The following MYO3A variants were observed in gnomAD, a reference collection of about 807,000 sequenced individuals.
MYO3A encodes myosin-IIIa.
Under a neutral mutation model 192.7 loss-of-function variants are expected in MYO3A, and 180 were observed. The ratio of observed to expected loss-of-function variants is 0.93; its 90% CI spans 0.83 to 1.06. The LOEUF (loss-of-function observed/expected upper bound fraction) is 1.06, where lower values mean the gene tolerates loss of function less well. MYO3A is among the 50% of genes least tolerant of loss of function. MYO3A has a pLI of 0.00. For synonymous variants in MYO3A, 628 were observed against 645.3 expected (o/e 0.97, Z 0.41); for missense variants, 1,896 against 1,905.0 (o/e 1.00, Z 0.09).
intron 32 of MYO3A, among the ~76,000 whole-genome samples, chr10:26,196,619 T>C (rs1589115479): frequency 6.6e-6 from 1 of 152,204 alleles, no homozygotes; most frequent in Admixed American, 6.5e-5. Flanking sequence ...TTACACATAG[T>C]GAAAAGTGTG....
chr10:26,036,512 A>G lies in MYO3A; in HGVS notation c.953+9980A>G, dbSNP rs145533960. 7.6e-3 allele frequency among the ~76,000 whole-genome samples: 1,164 copies of G among 152,316 alleles called. 9 individuals are homozygous for G. Among genetic ancestry groups the G allele is most frequent in the Non-Finnish European group, 0.01 (712 of 68,028 alleles). ...GGCCAACAAAACTGCATTCAGTGAA[A>G]AAAAGGCCTGGACCATTTTCTCTAG... On this transcript the variant is annotated intron_variant, in intron 10 of 34. Coordinates refer to ENST00000642920, the MANE Select transcript of MYO3A (RefSeq NM_017433.5).
chr10:26,086,490 G>A (rs975974460), intron 14 of MYO3A, among the ~76,000 whole-genome samples: 7 of 152,154 alleles, frequency 4.6e-5, no homozygotes, highest in African/African-American at 1.7e-4. Flanking sequence ...TGAGTAGGAA[G>A]AATTCCATGT....
intron 6 of MYO3A, among the ~76,000 whole-genome samples, chr10:26,005,702 T>C (rs11014901): frequency 0.31 from 47,614 of 151,932 alleles, 7,978 homozygotes; most frequent in Middle Eastern, 0.45. Context: ...TATATATGTA[T>C]ATATGTAATA....
intron 2 of MYO3A, among the ~76,000 whole-genome samples, chr10:25,950,687 G>C (rs1406723251): frequency 4.6e-5 from 7 of 152,074 alleles, no homozygotes; most frequent in Non-Finnish European, 8.8e-5. Flanking sequence ...AATAATACAA[G>C]GCTTAGAGTC....
Position 26,176,799 on chromosome 10 carries a change from C to A in MYO3A, c.4392C>A (p.His1464Gln). Residue 1464 changes from histidine (H) to glutamine (Q), a missense_variant, in exon 31 of 35, where the codon CAC becomes CAA. Physicochemically the swap from His to Gln is conservative, Grantham distance 24. Coordinates refer to ENST00000642920, the MANE Select transcript of MYO3A (RefSeq NM_017433.5). ...QLKSLYLGVS[H>Q]HKPINRRVSS... Reference sequence around the variant, plus strand: ...AGTCACTTTATCTGGGTGTCTCGCACCATAAGCCAATTAATAGACGAGTTT... The same window carrying A: ...AGTCACTTTATCTGGGTGTCTCGCAACATAAGCCAATTAATAGACGAGTTT... 6.2e-7 allele frequency: 1 copy of A among 1,614,120 alleles called. No individual in the cohort carries two copies. Among genetic ancestry groups the A allele is most frequent in the Non-Finnish European group, 8.5e-7 (1 of 1,180,002 alleles).
intron 4 of MYO3A, among the ~76,000 whole-genome samples, chr10:25,976,261 G>A (rs991843975): frequency 1.6e-4 from 25 of 152,134 alleles, no homozygotes; most frequent in African/African-American, 6.0e-4. Flanking sequence ...CTAAAGATTA[G>A]TGTTTCCAAA....
intron 2 of MYO3A, among the ~76,000 whole-genome samples, chr10:25,943,415 A>C (rs142141403): frequency 3.9e-5 from 6 of 152,190 alleles, no homozygotes; most frequent in African/African-American, 1.2e-4. Context: ...ATTTCTGCAA[A>C]AAACATTGGG....
At chr10:26,201,817 T>G (rs1397763522) in intron 33 of MYO3A, among the ~76,000 whole-genome samples, 1 of 152,250 alleles carries the variant, frequency 6.6e-6, no homozygotes, top group Admixed American at 6.5e-5. Flanking sequence ...GGAAATCTAT[T>G]GAGCCAGCAT....
In MYO3A at chr10:26,088,258, C is replaced by A. The variant is rs752583448; in HGVS notation, c.1415C>A (p.Ala472Asp). 4 of 1,613,362 alleles carry A rather than the reference C, an allele frequency of 2.5e-6. No individual in the cohort carries two copies. The Admixed American group carries it at 5.0e-5, about 20-fold the overall frequency. ...KILQVNNLVE[A>D]FGNACTIIND... The stretch of plus-strand genomic sequence containing the variant: ...TTACAAGTGAACAATTTGGTAGAAG[C>A]CTTTGGCAATGCCTGCACTATTATA... Residue 472 changes from alanine (A) to aspartate (D), a missense_variant, in exon 15 of 35, where the codon GCC (alanine) becomes GAC (aspartate). Ala to Asp is a moderately radical substitution (Grantham distance 126). Transcript: ENST00000642920.
intron 14 of MYO3A, among the ~76,000 whole-genome samples, chr10:26,082,632 C>T (rs1174245420): frequency 6.6e-6 from 1 of 151,994 alleles, no homozygotes; most frequent in Admixed American, 6.6e-5. Flanking sequence ...TCCTAAACAT[C>T]CCTATGATAA....
rs1286921276 is a variant in MYO3A, at chr10:26,120,786, T to TA, written c.1888dup (p.Thr630AsnfsTer16). 1 of 1,614,084 alleles carries TA rather than the reference T, an allele frequency of 6.2e-7. No individual in the cohort carries two copies. Among genetic ancestry groups the TA allele is most frequent in the Non-Finnish European group, 8.5e-7 (1 of 1,179,974 alleles). ...TTGACAAGAGCCACATTTCTAATCA[T>TA]ACAGCCCTGGAGAACTGTAAGTTTT... On this transcript the variant is annotated frameshift_variant, in exon 18 of 35. Transcript: ENST00000642920. LOFTEE classifies it high-confidence loss of function.
At chr10:26,019,153 T>C (rs891616944) in intron 7 of MYO3A, among the ~76,000 whole-genome samples, 4 of 151,994 alleles carry the variant, frequency 2.6e-5, no homozygotes, top group African/African-American at 9.7e-5. Context: ...TTGCCTAAAC[T>C]CTCCTACTCT....
chr10:25,998,180 C>T (rs910050981), intron 6 of MYO3A, among the ~76,000 whole-genome samples: 3 of 152,162 alleles, frequency 2.0e-5, no homozygotes, highest in Admixed American at 6.5e-5. Flanking sequence ...TAGTCTATTT[C>T]GTAGACCTAA....
At chr10:26,046,366 T>A (rs994391479) in intron 10 of MYO3A, among the ~76,000 whole-genome samples, 4 of 152,156 alleles carry the variant, frequency 2.6e-5, no homozygotes, top group Admixed American at 6.5e-5. Flanking sequence ...TACACACATC[T>A]GGCCACAGAA....
intron 4 of MYO3A, among the ~76,000 whole-genome samples, chr10:25,983,365 C>T (rs1219083762): frequency 1.3e-5 from 2 of 151,796 alleles, no homozygotes; most frequent in East Asian, 1.9e-4. Flanking sequence ...ATGCCATTCT[C>T]CTGTCTCAGC....
intron 6 of MYO3A, 117 bp downstream of exon 6, chr10:25,997,375 G>A: frequency 1.3e-6 from 1 of 795,234 alleles, no homozygotes; most frequent in South Asian, 1.5e-5. Flanking sequence ...AAAATCAGTA[G>A]TATCTTATTG....
At chr10:25,963,083 A>G (rs1454966602) in intron 4 of MYO3A, among the ~76,000 whole-genome samples, 1 of 152,164 alleles carries the variant, frequency 6.6e-6, no homozygotes, top group Non-Finnish European at 1.5e-5. Context: ...ACTACATTCT[A>G]TTATTCATTT....
chr10:26,206,534 C>A (rs569575982), intron 34 of MYO3A, among the ~76,000 whole-genome samples: 1 of 150,988 alleles, frequency 6.6e-6, no homozygotes, highest in Non-Finnish European at 1.5e-5. Flanking sequence ...CTGCAACCTC[C>A]ACCTCCCAGG....
chr10:25,961,173 G>A (rs751585271), intron 4 of MYO3A, among the ~76,000 whole-genome samples: 1 of 152,018 alleles, frequency 6.6e-6, no homozygotes, highest in Non-Finnish European at 1.5e-5. Context: ...TAGAATCATT[G>A]GCAGATGTGC....
Sources: gnomAD v4.1 joint callset for allele counts (sites outside exome capture counted in the v4.1 genomes callset) on GRCh38, gnomAD v4.1.1 for gene constraint, MANE v1.5 for transcripts, NCBI Gene and HGNC (gene_info 2026-07-23, HGNC 2026-07-21) for gene names.